C5orf63: variants seen among roughly 807,000 people sequenced by gnomAD.
C5orf63 encodes chromosome 5 open reading frame 63.
A neutral mutation model predicts 13.3 loss-of-function variants in C5orf63; 18 were observed. That is an observed-to-expected ratio of 1.36 (90% CI 0.94 to 2.01). The LOEUF (loss-of-function observed/expected upper bound fraction) is 2.01. C5orf63 is among the 30% of genes most tolerant of loss of function. The pLI is 0.00. For synonymous variants in C5orf63, 38 were observed against 44.7 expected, an observed-to-expected ratio of 0.85 and a Z score of 0.60; for missense variants, 118 against 127.7, an observed-to-expected ratio of 0.92 and a Z score of 0.36.
At chr5:127,047,997 C>A, downstream of C5orf63, 1 of 612,982 alleles carries the variant, frequency 1.6e-6, no homozygotes, top group Middle Eastern at 3.2e-4. Context: ...ACTTTCTGGA[C>A]CCAATAAACA....
intron 2 of C5orf63, among the ~76,000 whole-genome samples, chr5:127,063,263 A>G (rs939335275): frequency 5.9e-5 from 9 of 152,212 alleles, no homozygotes; most frequent in African/African-American, 2.2e-4. Flanking sequence ...GAAGCAACAT[A>G]AGAAAAATAA....
Position 127,051,470 on chromosome 5 carries a change from C to T in C5orf63, c.*301G>A. On this transcript the variant is annotated 3_prime_UTR_variant, in exon 5 of 5. Coordinates refer to ENST00000296662, the MANE Select transcript of C5orf63 (RefSeq NM_001164478.2). ...TCCTATAAATGGCATTGCCCAGTGACTGTGAAGTGCTTCTCTATTAATACA... is the reference window on the plus strand; with the variant it reads ...TCCTATAAATGGCATTGCCCAGTGATTGTGAAGTGCTTCTCTATTAATACA... The T allele has an allele frequency of 8.1e-6, 10 of 1,233,906 alleles. No individual in the cohort carries two copies. The South Asian group carries it at 3.7e-4, about 45-fold the overall frequency. The allele number at this position is 1,233,906 out of a possible 1,614,324, so 76.4% of individuals were successfully genotyped here.
chr5:127,054,148 A>T (rs1244777021), intron 3 of C5orf63, among the ~76,000 whole-genome samples: 1 of 152,212 alleles, frequency 6.6e-6, no homozygotes, highest in Non-Finnish European at 1.5e-5. Flanking sequence ...GAATTTTAGA[A>T]GAATCTAGAT....
intron 2 of C5orf63, among the ~76,000 whole-genome samples, chr5:127,063,164 A>T (rs1287189623): frequency 1.3e-5 from 2 of 152,228 alleles, no homozygotes; most frequent in Non-Finnish European, 2.9e-5. Flanking sequence ...CTGGCCTTTC[A>T]ATAAAACTGA....
rs112192282 is a variant in C5orf63 at position 127,057,641 on chromosome 5, C to T, written c.114+1241G>A. Among the ~76,000 whole-genome samples the T allele has an allele frequency of 2.5e-3, 375 of 152,280 alleles. 1 individual carries two copies. Among genetic ancestry groups the T allele is most frequent in the African/African-American group, 8.2e-3 (341 of 41,554 alleles). ...CAAGTCAATACTTGAAGCGCTTTTG[C>T]AGGTATTCACAGACATGCACATGCA... On this transcript the variant is annotated intron_variant, in intron 3 of 4. Coordinates refer to ENST00000296662, the MANE Select transcript of C5orf63 (RefSeq NM_001164478.2).
intron 2 of C5orf63, among the ~76,000 whole-genome samples, chr5:127,063,509 C>T (rs1247965863): frequency 2.6e-5 from 4 of 152,158 alleles, no homozygotes; most frequent in Non-Finnish European, 5.9e-5. Context: ...AGAGAAACTG[C>T]CCTTCACCGA....
downstream of C5orf63, chr5:127,042,908 A>T (rs1032371872): frequency 6.6e-6 from 1 of 152,062 alleles, no homozygotes; most frequent in Non-Finnish European, 1.5e-5. Context: ...AATGTTCAGC[A>T]TAACTAAAAA....
chr5:127,058,466 T>C (rs933798117), intron 3 of C5orf63, among the ~76,000 whole-genome samples: 1 of 152,224 alleles, frequency 6.6e-6, no homozygotes, highest in African/African-American at 2.4e-5. Context: ...CTGTATTTGG[T>C]AGGCTGATGA....
At position 127,058,970 on chromosome 5, in the gene C5orf63, A is replaced by G. The variant is rs1212534742; in HGVS notation, c.26T>C (p.Met9Thr). The G allele has an allele frequency of 6.5e-7, 1 of 1,537,128 alleles. No individual in the cohort carries two copies. Among genetic ancestry groups the G allele is most frequent in the Non-Finnish European group, 8.7e-7 (1 of 1,146,616 alleles). The part of the protein sequence containing the change: MLWFQGNS[M>T]QLARSSFGLF... ...TCCAAAGGAGGATCTGGCAAGTTGCATGCTATTTCCTTGAAACCAGAGCAT... is the reference window on the plus strand; with the variant it reads ...TCCAAAGGAGGATCTGGCAAGTTGCGTGCTATTTCCTTGAAACCAGAGCAT... Residue 9 changes from methionine (M) to threonine (T), a missense_variant, in exon 3 of 5, where the codon ATG becomes ACG. Physicochemically the swap from Met to Thr is moderately conservative, Grantham distance 81. Coordinates refer to ENST00000296662, the MANE Select transcript of C5orf63 (RefSeq NM_001164478.2).
downstream of C5orf63, chr5:127,051,241 A>G: frequency 9.0e-7 from 1 of 1,111,000 alleles, no homozygotes; most frequent in Non-Finnish European, 1.1e-6. Context: ...TCTACTCAAC[A>G]AAAATGAACT....
intron 2 of C5orf63, among the ~76,000 whole-genome samples, chr5:127,066,395 G>T (rs1473391312): frequency 2.6e-5 from 4 of 152,108 alleles, no homozygotes; most frequent in Non-Finnish European, 5.9e-5. Flanking sequence ...CAGGTAGAAG[G>T]CTACTGCATT....
chr5:127,049,565 C>T (rs1753606720), downstream of C5orf63, among the ~76,000 whole-genome samples: 1 of 152,178 alleles, frequency 6.6e-6, no homozygotes, highest in Non-Finnish European at 1.5e-5. Flanking sequence ...ACTTGTCTCT[C>T]CTTGCTCCTT....
intron 2 of C5orf63, among the ~76,000 whole-genome samples, chr5:127,071,025 T>C (rs1181767702): frequency 1.3e-5 from 2 of 152,258 alleles, no homozygotes. Context: ...CAATGTTTTA[T>C]ACTTTTTATA....
intron 2 of C5orf63, among the ~76,000 whole-genome samples, chr5:127,061,949 G>A (rs938251215): frequency 6.6e-6 from 1 of 152,238 alleles, no homozygotes; most frequent in African/African-American, 2.4e-5. Flanking sequence ...TACGACCAGG[G>A]CAGTGAACTG....
At chr5:127,060,446 A>T (rs17165248) in intron 2 of C5orf63, among the ~76,000 whole-genome samples, 12,314 of 152,218 alleles carry the variant, frequency 0.081, 697 homozygotes, top group African/African-American at 0.16. Context: ...ATTCTGTTTA[A>T]TCCTAGTTAT....
At chr5:127,044,095 A>C (rs1312896343), downstream of C5orf63, 1 of 152,176 alleles carries the variant, frequency 6.6e-6, no homozygotes, top group Non-Finnish European at 1.5e-5. Context: ...TTTGCCTTTA[A>C]CTTGTATCAT....
chr5:127,072,884 TCA>T (rs1439406952), intron 1 of C5orf63, among the ~76,000 whole-genome samples: 5 of 152,230 alleles, frequency 3.3e-5, no homozygotes, highest in African/African-American at 1.2e-4. Flanking sequence ...ATTTATTCTC[TCA>T]TTGTTCAGTA....
downstream of C5orf63, among the ~76,000 whole-genome samples, chr5:127,050,642 G>A (rs567763287): frequency 4.6e-5 from 7 of 152,246 alleles, no homozygotes; most frequent in South Asian, 2.1e-4. Context: ...CTTGGGTTAC[G>A]TCCCTGATAT....
chr5:127,062,896 A>G (rs891676241), intron 2 of C5orf63, among the ~76,000 whole-genome samples: 8 of 152,172 alleles, frequency 5.3e-5, no homozygotes, highest in Admixed American at 5.2e-4. Flanking sequence ...TACTACACAC[A>G]CAGACATGAT....
Sources: gnomAD v4.1 joint callset for allele counts (sites outside exome capture counted in the v4.1 genomes callset) on GRCh38, gnomAD v4.1.1 for gene constraint, MANE v1.5 for transcripts, NCBI Gene and HGNC (gene_info 2026-07-23, HGNC 2026-07-21) for gene names.